Variants in C3orf52 observed in about 807,000 individuals in gnomAD.
The protein encoded by C3orf52 is chromosome 3 open reading frame 52.
A neutral mutation model predicts 24.8 loss-of-function variants in C3orf52; 22 were observed. The ratio of observed to expected loss-of-function variants is 0.89; its 90% confidence interval spans 0.63 to 1.27. The LOEUF is 1.27. Among genes scored for constraint, C3orf52 ranks in the 50% most tolerant of loss-of-function variants. The pLI, the probability that C3orf52 is intolerant of heterozygous loss-of-function variation, is 0.00. For missense variants in C3orf52, 265 were observed against 260.7 expected, an observed-to-expected ratio of 1.02 and a Z score of -0.11; for synonymous variants, 93 against 100.2, an observed-to-expected ratio of 0.93 and a Z score of 0.43.
intron 4 of C3orf52, among the ~76,000 whole-genome samples, chr3:112,124,081 G>A (rs1005884678): frequency 6.6e-6 from 1 of 152,194 alleles, no homozygotes; most frequent in Admixed American, 6.5e-5. Context: ...TCCCATTGTT[G>A]GAGGTGGTGC....
chr3:112,115,078 A>C (rs1455117308), intron 5 of C3orf52, among the ~76,000 whole-genome samples: 1 of 152,206 alleles, frequency 6.6e-6, no homozygotes, highest in Non-Finnish European at 1.5e-5. Context: ...TGGAAATTGC[A>C]TTCTTTCTCT....
rs139765727 is a variant in C3orf52 at position 112,092,853 on chromosome 3, A to G, written c.139-507A>G. ...TCTTGGTGTTTCCACTCTAAACCAC[A>G]CATGATTTTCCCTTAATTTTCAACT... On this transcript the variant is annotated intron_variant, in intron 1 of 5. Transcript: ENST00000264848. 1.4e-4 allele frequency among the ~76,000 whole-genome samples: 21 copies of G among 152,238 alleles called. 1 individual carries two copies. In the East Asian group the frequency reaches 4.1e-3, roughly 29 times the overall value.
chr3:112,109,557 C>CTATGATGTACATCGCTATG lies in C3orf52; in HGVS notation c.411_412insTATGATGTACATCGCTATG (p.Ser138TyrfsTer20), dbSNP rs771653423. The CTATGATGTACATCGCTATG allele has an allele frequency of 5.6e-6, 9 of 1,598,108 alleles. No individual in the cohort carries two copies. The African/African-American group carries it at 1.2e-4, about 21-fold the overall frequency. ...TGTTTGTTTAGCTCACAGATGTGTACAGTACATCGCCCTCTCTGGGTCGTT... is the reference window on the plus strand; with the variant it reads ...TGTTTGTTTAGCTCACAGATGTGTACTATGATGTACATCGCTATGAGTACATCGCCCTCTCTGGGTCGTT... On this transcript the variant is annotated frameshift_variant, in exon 4 of 6. Transcript: ENST00000264848. LOFTEE classifies it high-confidence loss of function.
At chr3:112,119,964 T>G (rs1051335624), downstream of C3orf52, among the ~76,000 whole-genome samples, 1 of 152,086 alleles carries the variant, frequency 6.6e-6, no homozygotes, top group African/African-American at 2.4e-5. Context: ...TCAGGTAGGA[T>G]CCCCAGAGGC....
intron 4 of C3orf52, chr3:112,109,883 C>G (rs1359604125): frequency 2.9e-6 from 1 of 339,174 alleles, no homozygotes; most frequent in East Asian, 5.3e-5. Flanking sequence ...CCAGGTAAAC[C>G]ATTTCTGTTT....
chr3:112,092,719 T>A (rs1475529945), intron 1 of C3orf52, among the ~76,000 whole-genome samples: 1 of 152,226 alleles, frequency 6.6e-6, no homozygotes, highest in Non-Finnish European at 1.5e-5. Flanking sequence ...GCCTTCTCAC[T>A]CCAGCTTTGC....
chr3:112,090,238 G>A (rs2073864932), intron 1 of C3orf52, among the ~76,000 whole-genome samples: 2 of 151,094 alleles, frequency 1.3e-5, no homozygotes, highest in Non-Finnish European at 2.9e-5. Flanking sequence ...CAGCTGAGAA[G>A]CACTGTACAG....
chr3:112,116,084 A>G (rs190427223), intron 5 of C3orf52, among the ~76,000 whole-genome samples: 106 of 152,310 alleles, frequency 7.0e-4, no homozygotes, highest in African/African-American at 2.5e-3. Context: ...GGGCAAAACC[A>G]GGATTTTTGT....
intron 2 of C3orf52, among the ~76,000 whole-genome samples, chr3:112,099,096 G>T (rs921752079): frequency 2.0e-5 from 3 of 152,070 alleles, no homozygotes; most frequent in Non-Finnish European, 4.4e-5. Flanking sequence ...TCTCTCTCCT[G>T]CTCCCCCATG....
intron 2 of C3orf52, among the ~76,000 whole-genome samples, chr3:112,097,922 A>C (rs1158768807): frequency 1.3e-5 from 2 of 152,316 alleles, no homozygotes; most frequent in African/African-American, 4.8e-5. Context: ...AATGCTAATC[A>C]TGTAGAAGTT....
At chr3:112,091,707 TAAG>T (rs58613674) in intron 1 of C3orf52, among the ~76,000 whole-genome samples, 9,216 of 152,146 alleles carry the variant, frequency 0.061, 378 homozygotes, top group African/African-American at 0.12. Flanking sequence ...AGCACCAAAA[TAAG>T]AATGGCAGAG....
At chr3:112,108,109 TA>T (rs1348889562) in intron 3 of C3orf52, among the ~76,000 whole-genome samples, 1 of 152,160 alleles carries the variant, frequency 6.6e-6, no homozygotes, top group African/African-American at 2.4e-5. Context: ...ACTTGTAACA[TA>T]ATATCAACAA....
At chr3:112,124,562 C>T (rs916267901) in intron 4 of C3orf52, among the ~76,000 whole-genome samples, 5 of 152,216 alleles carry the variant, frequency 3.3e-5, no homozygotes, top group East Asian at 3.9e-4. Flanking sequence ...GAGCTGAGAT[C>T]GTGCCATTGC....
chr3:112,100,887 G>A (rs2073966825), intron 2 of C3orf52, among the ~76,000 whole-genome samples: 1 of 152,070 alleles, frequency 6.6e-6, no homozygotes, highest in African/African-American at 2.4e-5. Context: ...AAGCAATAAT[G>A]GCAGCAAACA....
chr3:112,134,424 A>G (rs1235961937), downstream of C3orf52: 2 of 152,256 alleles, frequency 1.3e-5, no homozygotes, highest in African/African-American at 4.8e-5. Context: ...CTGGAGCCCA[A>G]AAGTGCTCAT....
rs558267410 is a variant in C3orf52 at position 112,110,072 on chromosome 3, G to A, written c.467+459G>A. On this transcript the variant is annotated intron_variant, in intron 4 of 5. Transcript: ENST00000264848. ...GGGCCGGGCGTGGTAGCTCACGCCT[G>A]TAATCCCAGCACTTTGCGAGGCCAA... is the stretch of plus-strand genomic sequence containing the variant. Among the ~76,000 whole-genome samples the A allele has an allele frequency of 1.8e-4, 27 of 152,348 alleles. No homozygotes were observed. The South Asian group carries it at 5.6e-3, about 32-fold the overall frequency.
At chr3:112,130,825 G>C (rs546276283), downstream of C3orf52, 1 of 384,572 alleles carries the variant, frequency 2.6e-6, no homozygotes, top group Non-Finnish European at 4.9e-6. Context: ...CGTGTCCAGA[G>C]AGAGGCCTGA....
chr3:112,136,195 C>T, the C3orf52 span, among the ~76,000 whole-genome samples: 1 of 152,296 alleles, frequency 6.6e-6, no homozygotes, highest in Middle Eastern at 3.4e-3. Flanking sequence ...ATGGTGCTGT[C>T]AAGTCCTCTT....
At chr3:112,100,779 A>G (rs2073965987) in intron 2 of C3orf52, among the ~76,000 whole-genome samples, 1 of 152,246 alleles carries the variant, frequency 6.6e-6, no homozygotes, top group African/African-American at 2.4e-5. Flanking sequence ...TGAGCCTATT[A>G]TGAACATTAT....
Sources: allele counts gnomAD v4.1 joint callset (sites outside exome capture counted in the v4.1 genomes callset), GRCh38; gene constraint gnomAD v4.1.1; transcripts MANE v1.5; gene names NCBI Gene and HGNC (gene_info 2026-07-23, HGNC 2026-07-21).